Variants in DENND2A observed in about 807,000 individuals in gnomAD.
DENND2A encodes DENN domain-containing protein 2A.
A neutral mutation model predicts 105.3 loss-of-function variants in DENND2A; 53 were observed. That is an observed-to-expected ratio of 0.50 (90% CI 0.40 to 0.63). DENND2A has a LOEUF of 0.63. Among genes scored for constraint, DENND2A ranks in the 30% least tolerant of loss-of-function variants. The pLI is 0.00. For synonymous variants in DENND2A, 522 were observed against 508.4 expected, an observed-to-expected ratio of 1.03 and a Z score of -0.36; for missense variants, 1,138 against 1,279.6, an observed-to-expected ratio of 0.89 and a Z score of 1.69.
intron 3 of DENND2A, among the ~76,000 whole-genome samples, chr7:140,596,977 T>C (rs1324930650): frequency 6.6e-6 from 1 of 152,214 alleles, no homozygotes; most frequent in East Asian, 1.9e-4. Flanking sequence ...TTTGAGGGTT[T>C]CTCATTTTCC....
chr7:140,612,243 G>GA (rs979836741), intron 1 of DENND2A, among the ~76,000 whole-genome samples: 1 of 115,492 alleles, frequency 8.7e-6, no homozygotes, highest in African/African-American at 3.9e-5. Context: ...TCCGTCTCAA[G>GA]AAAAAAAAGG....
chr7:140,610,471 C>A (rs1017957008), intron 1 of DENND2A, among the ~76,000 whole-genome samples: 1 of 152,080 alleles, frequency 6.6e-6, no homozygotes, highest in African/African-American at 2.4e-5. Flanking sequence ...TGAGATGCTT[C>A]TGATCAGCCT....
chr7:140,544,809 C>A, intron 13 of DENND2A, 43 bp from the exon 14 acceptor site: 1 of 1,551,322 alleles, frequency 6.4e-7, no homozygotes, highest in Non-Finnish European at 8.7e-7. Context: ...GGCCCAGCTA[C>A]GCAGCCAGGC....
At chr7:140,595,120 C>G (rs561834011) in intron 3 of DENND2A, among the ~76,000 whole-genome samples, 4 of 152,240 alleles carry the variant, frequency 2.6e-5, no homozygotes, top group Non-Finnish European at 5.9e-5. Context: ...GATTCTCCTG[C>G]CTCAGCCTCC....
chr7:140,541,597 G>A (rs111288105), intron 14 of DENND2A, among the ~76,000 whole-genome samples: 30 of 152,306 alleles, frequency 2.0e-4, no homozygotes, highest in Admixed American at 7.8e-4. Context: ...GATGAAATCC[G>A]ATCCTGGCCA....
rs1036587825 is a variant in DENND2A, at chr7:140,583,979, C to T, written c.1245+1610G>A. Among the ~76,000 whole-genome samples, 9 of 142,042 alleles carry T rather than the reference C, an allele frequency of 6.3e-5. 1 individual carries two copies. The highest frequency in any genetic ancestry group is 6.0e-4 in the East Asian group (3 of 4,974). The allele number at this position is 142,042 out of a possible 152,430, so 93.2% of individuals were successfully genotyped here. ...CATTCAGGTCAGGTGCGGTGGCTCACGCCTGTAATCCTAGCACTTTGGGAG... is the reference window on the plus strand; with the variant it reads ...CATTCAGGTCAGGTGCGGTGGCTCATGCCTGTAATCCTAGCACTTTGGGAG... On this transcript the variant is annotated intron_variant, in intron 5 of 19. Coordinates refer to ENST00000496613, the MANE Select transcript of DENND2A (RefSeq NM_015689.5).
intron 1 of DENND2A, among the ~76,000 whole-genome samples, chr7:140,621,219 G>C (rs1800279553): frequency 6.6e-6 from 1 of 151,002 alleles, no homozygotes; most frequent in Non-Finnish European, 1.5e-5. Flanking sequence ...TTTTTTTGTA[G>C]AGACAGAGTC....
At chr7:140,583,158 T>C (rs1585686548) in intron 5 of DENND2A, among the ~76,000 whole-genome samples, 1 of 150,036 alleles carries the variant, frequency 6.7e-6, no homozygotes, top group Non-Finnish European at 1.5e-5. Context: ...TAGCCGGCCA[T>C]GGTGATGGCC....
At chr7:140,551,519 C>T (rs1480807195) in intron 12 of DENND2A, among the ~76,000 whole-genome samples, 4 of 151,988 alleles carry the variant, frequency 2.6e-5, no homozygotes, top group Admixed American at 1.3e-4. Flanking sequence ...GACATGTGGA[C>T]CAGGCCTGCG....
intron 1 of DENND2A, among the ~76,000 whole-genome samples, chr7:140,624,139 TAG>T (rs1195994150): frequency 6.6e-6 from 1 of 152,204 alleles, no homozygotes; most frequent in African/African-American, 2.4e-5. Context: ...GGTCTATTTA[TAG>T]AGTCATCTGC....
At chr7:140,520,390 C>T (rs1199316581) in intron 18 of DENND2A, among the ~76,000 whole-genome samples, 5 of 151,546 alleles carry the variant, frequency 3.3e-5, no homozygotes, top group Non-Finnish European at 5.9e-5. Flanking sequence ...TTCTCCTGTA[C>T]GAGGGCCCTG....
intron 1 of DENND2A, among the ~76,000 whole-genome samples, chr7:140,621,183 T>G (rs1002685187): frequency 1.3e-5 from 2 of 152,020 alleles, no homozygotes; most frequent in African/African-American, 4.8e-5. Flanking sequence ...TGTGAGCCAC[T>G]AGGCTCAGCT....
chr7:140,580,852 A>C (rs1042488883), intron 5 of DENND2A, among the ~76,000 whole-genome samples: 1 of 146,734 alleles, frequency 6.8e-6, no homozygotes, highest in East Asian at 2.3e-4. Flanking sequence ...GGCCAGGCTG[A>C]TCTCGAACTC....
rs771998967 is a variant in DENND2A at position 140,568,767 on chromosome 7, C to T, written c.1587G>A (p.Leu529=). The T allele has an allele frequency of 6.2e-7, 1 of 1,614,180 alleles. No homozygotes were observed. The highest frequency in any genetic ancestry group is 8.5e-7 in the Non-Finnish European group (1 of 1,180,018). The change falls in exon 8 of 20, where the codon CTG becomes CTA. Residue 529 remains leucine (L), a synonymous_variant. Coordinates refer to ENST00000496613, the MANE Select transcript of DENND2A (RefSeq NM_015689.5). ...SESDSDTEEK[L]KAHSQRLVNV... ...CACAGTAGTGGCTCTCCTCACCTTT[C>T]AGCTTCTCCTCTGTGTCACTGTCAG...
At chr7:140,567,592 T>C (rs1232383092) in intron 8 of DENND2A, among the ~76,000 whole-genome samples, 1 of 152,224 alleles carries the variant, frequency 6.6e-6, no homozygotes, top group Admixed American at 6.5e-5. Flanking sequence ...TTTTGCTGTC[T>C]GGACTCTGGG....
chr7:140,607,295 G>C (rs1379472130), intron 1 of DENND2A, among the ~76,000 whole-genome samples: 1 of 152,160 alleles, frequency 6.6e-6, no homozygotes. Flanking sequence ...AACAAGGAGA[G>C]GAAGGGAGGA....
intron 1 of DENND2A, among the ~76,000 whole-genome samples, chr7:140,618,868 A>G (rs1423984100): frequency 6.6e-6 from 1 of 151,956 alleles, no homozygotes; most frequent in Non-Finnish European, 1.5e-5. Flanking sequence ...CAGTGGCACA[A>G]TCTCACTGCA....
rs768051689 is a variant in DENND2A, at chr7:140,555,620, AG to A, written c.2037+15del. ...CGTTCCTTCCCTTCCTCTTTCTCTGAGGTCCAAGTTCTCACCCTTGAAAAGA... is the reference window on the plus strand; with the variant it reads ...CGTTCCTTCCCTTCCTCTTTCTCTGAGTCCAAGTTCTCACCCTTGAAAAGA... On this transcript the variant is annotated intron_variant, in intron 12 of 19. Coordinates refer to ENST00000496613, the MANE Select transcript of DENND2A (RefSeq NM_015689.5). The A allele has an allele frequency of 1.1e-5, 17 of 1,610,888 alleles. No homozygotes were observed. The highest frequency in any genetic ancestry group is 1.4e-5 in the Non-Finnish European group (16 of 1,178,846).
intron 12 of DENND2A, among the ~76,000 whole-genome samples, chr7:140,552,453 G>T (rs1797177017): frequency 6.6e-6 from 1 of 150,838 alleles, no homozygotes; most frequent in African/African-American, 2.4e-5. Flanking sequence ...GAGTGCACTG[G>T]TGTGAACATG....
Sources: allele counts gnomAD v4.1 joint callset (sites outside exome capture counted in the v4.1 genomes callset), GRCh38; gene constraint gnomAD v4.1.1; transcripts MANE v1.5; gene names NCBI Gene and HGNC (gene_info 2026-07-23, HGNC 2026-07-21).